CTBP2: variants seen among roughly 807,000 people sequenced by gnomAD.
The protein encoded by CTBP2 is C-terminal binding protein 2.
Under a neutral mutation model 80.3 loss-of-function variants are expected in CTBP2, and 30 were observed. The ratio of observed to expected loss-of-function variants is 0.37; its 90% CI spans 0.28 to 0.51. CTBP2 has a LOEUF of 0.51. CTBP2 is among the 20% of genes least tolerant of loss of function. The pLI is 0.93. For synonymous variants in CTBP2, 594 were observed against 587.4 expected (o/e 1.01, Z -0.16); for missense variants, 1,212 against 1,375.3 (o/e 0.88, Z 1.88).
At chr10:125,121,909 T>C (rs972314053) in intron 1 of CTBP2, among the ~76,000 whole-genome samples, 5 of 152,306 alleles carry the variant, frequency 3.3e-5, no homozygotes, top group African/African-American at 1.2e-4. Flanking sequence ...CTGATGGTCC[T>C]CGATGCAGGT....
Position 125,104,899 on chromosome 10 carries a change from C to T in CTBP2, c.-102+6091G>A, listed in dbSNP as rs549999050. On this transcript the variant is annotated intron_variant, in intron 2 of 10. Coordinates refer to the CTBP2 transcript ENST00000337195. The stretch of plus-strand genomic sequence containing the variant: ...AGAAGGAAGCCACAGACAGCACGTC[C>T]TTCTTTCTCCCCTTCTCCCGCCCCC... Among the ~76,000 whole-genome samples the T allele has an allele frequency of 2.7e-4, 41 of 152,330 alleles. No homozygotes were observed. The Middle Eastern group carries it at 0.01, about 38-fold the overall frequency.
At chr10:125,009,853 G>A (rs904270318) in intron 1 of CTBP2, among the ~76,000 whole-genome samples, 8 of 152,228 alleles carry the variant, frequency 5.3e-5, no homozygotes, top group African/African-American at 9.7e-5. Flanking sequence ...AAGGCGGTCT[G>A]TGGGAGCCTC....
intron 1 of CTBP2, among the ~76,000 whole-genome samples, chr10:125,136,351 C>T (rs1856976354): frequency 6.6e-6 from 1 of 152,228 alleles, no homozygotes; most frequent in Admixed American, 6.5e-5. Context: ...CCCTGTCTGG[C>T]TCACCCAGCT....
At chr10:125,089,868 G>A (rs1283978093) in intron 2 of CTBP2, among the ~76,000 whole-genome samples, 2 of 152,162 alleles carry the variant, frequency 1.3e-5, no homozygotes, top group South Asian at 4.1e-4. Context: ...TCTCATCTTG[G>A]CCTCTGTTGG....
intron 1 of CTBP2, among the ~76,000 whole-genome samples, chr10:125,131,500 T>C (rs1276032671): frequency 7.9e-5 from 12 of 152,120 alleles, no homozygotes; most frequent in African/African-American, 2.2e-4. Flanking sequence ...ATGAGGTTCA[T>C]TTAGGCTGGT....
At chr10:125,108,002 T>A (rs1482921757) in intron 2 of CTBP2, among the ~76,000 whole-genome samples, 1 of 152,220 alleles carries the variant, frequency 6.6e-6, no homozygotes. Context: ...CAAATATTAA[T>A]GCTTAACAAC....
intron 3 of CTBP2, among the ~76,000 whole-genome samples, chr10:125,035,740 A>G (rs887403809): frequency 6.6e-6 from 1 of 152,206 alleles, no homozygotes; most frequent in Admixed American, 6.5e-5. Flanking sequence ...GGGGCAAACC[A>G]AAGGAGCTCT....
At chr10:125,130,597 G>T (rs557011985) in intron 1 of CTBP2, among the ~76,000 whole-genome samples, 1 of 152,324 alleles carries the variant, frequency 6.6e-6, no homozygotes, top group East Asian at 1.9e-4. Flanking sequence ...AGAGGCCCAA[G>T]AAGCTTTTAA....
chr10:125,109,086 T>C (rs1404238041), intron 2 of CTBP2, among the ~76,000 whole-genome samples: 1 of 152,260 alleles, frequency 6.6e-6, no homozygotes, highest in Admixed American at 6.5e-5. Context: ...CTCTGGTTAT[T>C]AGACTGAGTC....
rs143120190 is a variant in CTBP2, at chr10:125,096,495, A to G, written c.-102+14495T>C. Among the ~76,000 whole-genome samples, 654 of 152,310 alleles carry G rather than the reference A, an allele frequency of 4.3e-3. 4 individuals carry two copies. The highest frequency in any genetic ancestry group is 0.015 in the African/African-American group (614 of 41,560). ...AGTGGGACAACATCGCTACTCGACT[A>G]AACAGATGGCTAACCACAACCCAGT... On this transcript the variant is annotated intron_variant, in intron 2 of 10. Coordinates refer to the CTBP2 transcript ENST00000337195.
chr10:125,062,358 G>A (rs1965135367), intron 2 of CTBP2, among the ~76,000 whole-genome samples: 1 of 152,140 alleles, frequency 6.6e-6, no homozygotes, highest in African/African-American at 2.4e-5. Flanking sequence ...GGCCTAGTAG[G>A]GTGTGTCTGT....
intron 2 of CTBP2, among the ~76,000 whole-genome samples, chr10:125,082,969 A>G (rs553698534): frequency 3.3e-5 from 5 of 152,268 alleles, no homozygotes; most frequent in South Asian, 2.1e-4. Flanking sequence ...TCAGAAGCCA[A>G]TGCTCCAGGA....
intron 3 of CTBP2, chr10:125,000,756 G>A (rs959074305): frequency 3.9e-5 from 6 of 152,286 alleles, no homozygotes; most frequent in Non-Finnish European, 7.3e-5. Flanking sequence ...GGGCCTGCGA[G>A]GGACCCTCTT....
intron 2 of CTBP2, among the ~76,000 whole-genome samples, chr10:125,100,251 T>TG (rs1850407029): frequency 6.6e-6 from 1 of 152,200 alleles, no homozygotes; most frequent in Admixed American, 6.5e-5. Flanking sequence ...CAGACAACAG[T>TG]GAAAAAAATG....
intron 1 of CTBP2, among the ~76,000 whole-genome samples, chr10:125,151,256 T>A (rs999047243): frequency 2.6e-5 from 4 of 152,080 alleles, no homozygotes. Context: ...GATCGCACCG[T>A]CCTACCACTC....
intron 1 of CTBP2, among the ~76,000 whole-genome samples, chr10:125,152,179 G>A (rs1367362567): frequency 6.6e-6 from 1 of 152,078 alleles, no homozygotes; most frequent in Non-Finnish European, 1.5e-5. Flanking sequence ...GGAGAGGGGC[G>A]AACCCCAGGG....
At chr10:125,043,093 T>C (rs1960302706) in intron 2 of CTBP2, among the ~76,000 whole-genome samples, 1 of 152,218 alleles carries the variant, frequency 6.6e-6, no homozygotes, top group Non-Finnish European at 1.5e-5. Context: ...AGATACTTGG[T>C]TGTTTCCAGA....
Position 124,989,380 on chromosome 10 carries a change from T to A in CTBP2, c.*138A>T. ...CTTCAGTTTTCTAGCTCTTGTAGTT[T>A]CAACACTGCAACATCAATGATGCAT... On this transcript the variant is annotated 3_prime_UTR_variant, in exon 9 of 9. Coordinates refer to ENST00000309035, the MANE Select transcript of CTBP2 (RefSeq NM_022802.3). 2 of 979,382 alleles carry A rather than the reference T, an allele frequency of 2.0e-6. No individual in the cohort carries two copies. The highest frequency in any genetic ancestry group is 1.3e-5 in the South Asian group (1 of 74,448). 60.7% of individuals were successfully genotyped at this position (979,382 alleles called of 1,614,324 possible).
chr10:125,085,116 C>T (rs1169992765), intron 2 of CTBP2, among the ~76,000 whole-genome samples: 4 of 152,198 alleles, frequency 2.6e-5, no homozygotes, highest in South Asian at 2.1e-4. Context: ...CTCACGTCAC[C>T]ACCCATCACC....
Sources: gnomAD v4.1 joint callset for allele counts (sites outside exome capture counted in the v4.1 genomes callset) on GRCh38, gnomAD v4.1.1 for gene constraint, MANE v1.5 for transcripts, NCBI Gene and HGNC (gene_info 2026-07-23, HGNC 2026-07-21) for gene names.